Variants in SPRY3 observed in about 807,000 individuals in gnomAD.
SPRY3 encodes the protein sprouty RTK signaling antagonist 3.
SPRY3 carries 15 observed loss-of-function variants against 20.2 expected under a neutral mutation model. The ratio of observed to expected loss-of-function variants is 0.74; its 90% confidence interval spans 0.50 to 1.14. The LOEUF is 1.14. Ranked by LOEUF, SPRY3 falls within the 50% of genes most tolerant of loss-of-function variation. The pLI, the probability that SPRY3 is intolerant of heterozygous loss-of-function variation, is 0.00. For missense variants in SPRY3, 364 were observed against 363.9 expected (o/e 1.00, Z 0.00); for synonymous variants, 143 against 136.5 (o/e 1.05, Z -0.33).
intron 2 of SPRY3, among the ~76,000 whole-genome samples, chrX:155,739,428 C>T (rs1240049619): frequency 1.3e-5 from 2 of 152,156 alleles, no homozygotes; most frequent in Admixed American, 6.5e-5. Flanking sequence ...GGAAGGATTC[C>T]CCCTAGTGCA....
exon 3 of SPRY3, chrX:155,768,073 C>A: frequency 6.6e-6 from 1 of 152,222 alleles, no homozygotes. Context: ...AGAAGAGATC[C>A]TTTGAGCCAG....
At chrX:155,765,785 T>C (rs1162100631) in intron 2 of SPRY3, among the ~76,000 whole-genome samples, 2 of 152,210 alleles carry the variant, frequency 1.3e-5, no homozygotes, top group African/African-American at 2.4e-5. Context: ...GGGCTTCAAA[T>C]TGAAATCATC....
intron 2 of SPRY3, among the ~76,000 whole-genome samples, chrX:155,746,500 C>G (rs1210063569): frequency 6.6e-6 from 1 of 151,940 alleles, no homozygotes; most frequent in African/African-American, 2.4e-5. Flanking sequence ...TTTCTATTCT[C>G]CAAGATTTAA....
At chrX:155,721,767 G>A (rs2091060059) in intron 2 of SPRY3, among the ~76,000 whole-genome samples, 1 of 152,026 alleles carries the variant, frequency 6.6e-6, no homozygotes, top group Non-Finnish European at 1.5e-5. Flanking sequence ...AAAAACTGAG[G>A]AACTTCATCA....
chrX:155,743,643 T>C (rs751348422), intron 2 of SPRY3, among the ~76,000 whole-genome samples: 2 of 152,254 alleles, frequency 1.3e-5, no homozygotes, highest in South Asian at 4.1e-4. Context: ...CCTTTCCTTT[T>C]GTGCAATTCA....
At chrX:155,630,612 C>G (rs1376141104) in intron 1 of SPRY3, among the ~76,000 whole-genome samples, 2 of 111,225 alleles carry the variant, frequency 1.8e-5, no homozygotes, top group Non-Finnish European at 3.8e-5. Flanking sequence ...TATTGGAACT[C>G]CCTTATATAA....
chrX:155,723,256 TC>T (rs1230557241), intron 2 of SPRY3, among the ~76,000 whole-genome samples: 1 of 152,176 alleles, frequency 6.6e-6, no homozygotes, highest in Non-Finnish European at 1.5e-5. Context: ...TGTGCATGTG[TC>T]TTTATAGCAG....
chrX:155,631,110 C>T (rs1463092841), intron 1 of SPRY3, among the ~76,000 whole-genome samples: 1 of 110,762 alleles, frequency 9.0e-6, no homozygotes, highest in Non-Finnish European at 1.9e-5. Flanking sequence ...CTCCCTGCTC[C>T]AGTAGTCCAC....
At chrX:155,776,299 C>T (rs1214488908) in exon 4 of SPRY3, 2 of 167,212 alleles carry the variant, frequency 1.2e-5, no homozygotes, top group Non-Finnish European at 1.5e-5. Flanking sequence ...AAGCCCTAAC[C>T]AAGCTGTATC....
chrX:155,650,656 G>A (rs1456300178), intron 1 of SPRY3, among the ~76,000 whole-genome samples: 3 of 111,606 alleles, frequency 2.7e-5, no homozygotes, highest in African/African-American at 9.8e-5. Flanking sequence ...TGCAGCAGCC[G>A]TGTGGTGTAC....
intron 2 of SPRY3, chrX:155,767,739 A>AG (rs2091347600): frequency 4.1e-5 from 2 of 48,648 alleles, no homozygotes; most frequent in South Asian, 1.1e-3. Context: ...AGGAGGAGAG[A>AG]GAGGAGGAGG....
chrX:155,774,600 A>T, exon 4 of SPRY3: 1 of 1,613,962 alleles, frequency 6.2e-7, no homozygotes, highest in Non-Finnish European at 8.5e-7. Context: ...CTACCCGTGG[A>T]TGCCTCCATC....
chrX:155,773,155 A>T (rs2091392105), intron 3 of SPRY3, among the ~76,000 whole-genome samples: 1 of 151,600 alleles, frequency 6.6e-6, no homozygotes, highest in East Asian at 1.9e-4. Flanking sequence ...TACACTGCAG[A>T]CAGCTTAATT....
At chrX:155,768,627 A>C (rs1289096292) in intron 3 of SPRY3, among the ~76,000 whole-genome samples, 1 of 152,116 alleles carries the variant, frequency 6.6e-6, no homozygotes, top group African/African-American at 2.4e-5. Flanking sequence ...CCCTGGGTAG[A>C]CATGGCGCAA....
chrX:155,774,860 C>A, exon 4 of SPRY3: 1 of 1,164,716 alleles, frequency 8.6e-7, no homozygotes, highest in Non-Finnish European at 1.2e-6. Context: ...CTCTTTTGTT[C>A]CTGCAGTGTC....
intron 2 of SPRY3, among the ~76,000 whole-genome samples, chrX:155,682,676 G>A (rs3853201): frequency 1.3e-3 from 145 of 111,642 alleles, no homozygotes; most frequent in African/African-American, 4.2e-3. Flanking sequence ...GTGTGCCATC[G>A]CACCTGGCTA....
chrX:155,640,545 T>G (rs2067937329), intron 1 of SPRY3, among the ~76,000 whole-genome samples: 1 of 112,004 alleles, frequency 8.9e-6, no homozygotes, highest in African/African-American at 3.2e-5. Flanking sequence ...ATAATACTGT[T>G]TTTTCCAATC....
At chrX:155,760,796 T>C (rs2091301085) in intron 2 of SPRY3, among the ~76,000 whole-genome samples, 1 of 152,014 alleles carries the variant, frequency 6.6e-6, no homozygotes, top group African/African-American at 2.4e-5. Context: ...GGAGCTCAGG[T>C]AGTCATGCTC....
intron 2 of SPRY3, among the ~76,000 whole-genome samples, chrX:155,724,726 A>C (rs1725882288): frequency 6.6e-6 from 1 of 152,138 alleles, no homozygotes; most frequent in South Asian, 2.1e-4. Context: ...GGGCTGAGAC[A>C]ATGGGGTTTT....
Sources: gnomAD v4.1 joint callset for allele counts (sites outside exome capture counted in the v4.1 genomes callset) on GRCh38, gnomAD v4.1.1 for gene constraint, MANE v1.5 for transcripts, NCBI Gene and HGNC (gene_info 2026-07-23, HGNC 2026-07-21) for gene names.